GALNT13: variants seen among roughly 807,000 people sequenced by gnomAD.
GALNT13 encodes the protein UDP-GalNAc:polypeptide N-acetylgalactosaminyltransferase 13.
Under a neutral mutation model 64.2 loss-of-function variants are expected in GALNT13, and 28 were observed. The ratio of observed to expected loss-of-function variants is 0.44; its 90% CI spans 0.32 to 0.60. The LOEUF is 0.60. GALNT13 is among the 20% of genes least tolerant of loss of function. The pLI is 0.05. For synonymous variants in GALNT13, 214 were observed against 224.6 expected (o/e 0.95, Z 0.42); for missense variants, 577 against 669.8 (o/e 0.86, Z 1.53).
intron 3 of GALNT13, among the ~76,000 whole-genome samples, chr2:154,051,301 T>C (rs1337940782): frequency 4.9e-5 from 6 of 123,532 alleles, no homozygotes; most frequent in Non-Finnish European, 1.1e-4. Context: ...TTTTTTTTTT[T>C]GAGACGGAGT....
At chr2:153,156,269 A>C in the GALNT13 span, among the ~76,000 whole-genome samples, 1 of 152,136 alleles carries the variant, frequency 6.6e-6, no homozygotes, top group Non-Finnish European at 1.5e-5. Context: ...CGGCCACAGC[A>C]CTTTCTTCTA....
At chr2:154,201,844 C>G (rs1687188714) in intron 4 of GALNT13, among the ~76,000 whole-genome samples, 2 of 152,092 alleles carry the variant, frequency 1.3e-5, no homozygotes, top group African/African-American at 4.8e-5. Context: ...AGTGCTTGCC[C>G]TTCACCTAAG....
At chr2:154,283,608 T>G (rs1692087038) in intron 8 of GALNT13, among the ~76,000 whole-genome samples, 1 of 151,868 alleles carries the variant, frequency 6.6e-6, no homozygotes, top group African/African-American at 2.4e-5. Flanking sequence ...TACTTCAGTT[T>G]CATAATGTAG....
At chr2:153,866,399 A>G in the GALNT13 span, among the ~76,000 whole-genome samples, 1 of 152,228 alleles carries the variant, frequency 6.6e-6, no homozygotes, top group African/African-American at 2.4e-5. Context: ...AGTTACAACA[A>G]CCACCTCCCT....
At chr2:153,721,666 C>T in the GALNT13 span, among the ~76,000 whole-genome samples, 2 of 151,332 alleles carry the variant, frequency 1.3e-5, no homozygotes, top group East Asian at 3.9e-4. Context: ...CAATCCTAGT[C>T]TCTGATAAAA....
At chr2:153,097,960 G>C in the GALNT13 span, among the ~76,000 whole-genome samples, 1 of 152,126 alleles carries the variant, frequency 6.6e-6, no homozygotes, top group Non-Finnish European at 1.5e-5. Context: ...CAGCTACTTG[G>C]GAGGCTGAGG....
chr2:153,726,950 A>C, the GALNT13 span, among the ~76,000 whole-genome samples: 117 of 148,582 alleles, frequency 7.9e-4, no homozygotes, highest in Non-Finnish European at 1.0e-3. Flanking sequence ...AAAAAAAAAA[A>C]AAAAAACAAA....
At chr2:154,425,110 T>G (rs1008155408) in intron 11 of GALNT13, among the ~76,000 whole-genome samples, 1 of 152,178 alleles carries the variant, frequency 6.6e-6, no homozygotes, top group Non-Finnish European at 1.5e-5. Flanking sequence ...TAGGATATTA[T>G]AATTTGGCTT....
intron 4 of GALNT13, among the ~76,000 whole-genome samples, chr2:154,149,950 A>G (rs1400550150): frequency 6.6e-6 from 1 of 152,168 alleles, no homozygotes; most frequent in Non-Finnish European, 1.5e-5. Flanking sequence ...CCTGGCCAGA[A>G]CGTCCAACAC....
the GALNT13 span, among the ~76,000 whole-genome samples, chr2:153,322,540 A>G: frequency 6.6e-6 from 1 of 152,118 alleles, no homozygotes; most frequent in South Asian, 2.1e-4. Flanking sequence ...TCTGGGATAT[A>G]TGTGCAGAAT....
the GALNT13 span, among the ~76,000 whole-genome samples, chr2:153,286,941 A>T: frequency 6.6e-6 from 1 of 152,216 alleles, no homozygotes; most frequent in East Asian, 1.9e-4. Flanking sequence ...TTATAAACAC[A>T]ATCAAAATTC....
At chr2:153,513,927 C>G in the GALNT13 span, among the ~76,000 whole-genome samples, 10 of 152,118 alleles carry the variant, frequency 6.6e-5, no homozygotes, top group Non-Finnish European at 1.3e-4. Context: ...TCTTTACTTT[C>G]CTTTTCCTCT....
At chr2:154,042,068 T>C (rs1349630164) in intron 3 of GALNT13, among the ~76,000 whole-genome samples, 2 of 140,704 alleles carry the variant, frequency 1.4e-5, no homozygotes, top group Admixed American at 1.4e-4. Context: ...TTTATAAAAA[T>C]CACAAGTGAT....
rs150264982 is a variant in GALNT13 at position 154,006,740 on chromosome 2, G to A, written c.142+62101G>A. 3.9e-3 allele frequency among the ~76,000 whole-genome samples: 592 copies of A among 152,286 alleles called. 2 individuals carry two copies. The highest frequency in any genetic ancestry group is 0.014 in the African/African-American group (567 of 41,562). ...TTGCACGTGAAAATTACCAGGCTAA[G>A]AAGCCGGAAGAAGTTTTAGCAGTCT... On this transcript the variant is annotated intron_variant, in intron 3 of 12. Transcript: ENST00000392825.
the GALNT13 span, among the ~76,000 whole-genome samples, chr2:153,233,197 A>G: frequency 3.3e-5 from 5 of 152,212 alleles, no homozygotes; most frequent in African/African-American, 4.8e-5. Flanking sequence ...CTTGAAAAAT[A>G]AAAATTATTG....
intron 3 of GALNT13, among the ~76,000 whole-genome samples, chr2:154,094,941 A>C (rs1238862143): frequency 1.3e-5 from 2 of 152,044 alleles, no homozygotes; most frequent in East Asian, 1.9e-4. Context: ...TCACCACATA[A>C]TGCCTTCTAT....
At chr2:153,482,581 T>G in the GALNT13 span, among the ~76,000 whole-genome samples, 2 of 152,196 alleles carry the variant, frequency 1.3e-5, no homozygotes, top group Non-Finnish European at 2.9e-5. Context: ...GCGATTCTCC[T>G]GCCTCAGCCT....
At chr2:154,117,691 A>G (rs147977276) in intron 3 of GALNT13, among the ~76,000 whole-genome samples, 1 of 152,298 alleles carries the variant, frequency 6.6e-6, no homozygotes, top group Non-Finnish European at 1.5e-5. Context: ...CCAAATATTT[A>G]CAGCCAACTG....
At chr2:153,237,989 G>A in the GALNT13 span, among the ~76,000 whole-genome samples, 3 of 151,948 alleles carry the variant, frequency 2.0e-5, no homozygotes, top group Non-Finnish European at 2.9e-5. Flanking sequence ...AATCTTGCCA[G>A]AGTTTGTTTT....
Sources: gnomAD v4.1 joint callset for allele counts (sites outside exome capture counted in the v4.1 genomes callset) on GRCh38, gnomAD v4.1.1 for gene constraint, MANE v1.5 for transcripts, NCBI Gene and HGNC (gene_info 2026-07-23, HGNC 2026-07-21) for gene names.